Variants in SHLD2 observed in about 807,000 individuals in gnomAD.
SHLD2 encodes RINN1-REV7-interacting novel NHEJ regulator 2.
A neutral mutation model predicts 73.2 loss-of-function variants in SHLD2; 30 were observed. The observed-to-expected ratio is 0.41, with a 90% confidence interval of 0.31 to 0.56. The LOEUF is 0.56. Ranked by LOEUF, SHLD2 falls within the 20% of genes least tolerant of loss-of-function variation. The pLI is 0.28. For synonymous variants in SHLD2, 285 were observed against 370.1 expected (o/e 0.77, Z 2.64); for missense variants, 745 against 1,055.9 (o/e 0.71, Z 4.08).
intron 4 of SHLD2, among the ~76,000 whole-genome samples, chr10:87,158,589 G>C (rs1199315751): frequency 1.3e-5 from 2 of 151,968 alleles, no homozygotes; most frequent in African/African-American, 2.4e-5. Flanking sequence ...AAAATGTATT[G>C]GTCTCGTATT....
At chr10:87,190,234 T>A (rs1848966790) in intron 9 of SHLD2, among the ~76,000 whole-genome samples, 1 of 152,174 alleles carries the variant, frequency 6.6e-6, no homozygotes, top group Non-Finnish European at 1.5e-5. Context: ...AATTTTTGTA[T>A]TTTTAGTAGA....
intron 2 of SHLD2, among the ~76,000 whole-genome samples, chr10:87,110,289 C>T (rs1048753496): frequency 6.8e-6 from 1 of 147,182 alleles, no homozygotes; most frequent in Non-Finnish European, 1.5e-5. Context: ...GACCCTGTCT[C>T]TCAAAATAAG....
At chr10:87,187,831 T>C (rs1426950537) in intron 9 of SHLD2, among the ~76,000 whole-genome samples, 1 of 152,184 alleles carries the variant, frequency 6.6e-6, no homozygotes. Flanking sequence ...GAAACAGGCA[T>C]GCCTCTCGGT....
chr10:87,163,710 A>G (rs1846983366), intron 4 of SHLD2, among the ~76,000 whole-genome samples: 1 of 150,834 alleles, frequency 6.6e-6, no homozygotes, highest in Non-Finnish European at 1.5e-5. Context: ...TGTTGGAGAA[A>G]GAAATTATAA....
chr10:87,179,977 C>T, intron 7 of SHLD2, 98 bp from the exon 8 acceptor site: 1 of 781,618 alleles, frequency 1.3e-6, no homozygotes, highest in South Asian at 1.5e-5. Context: ...CCTTTTACTA[C>T]AAGTGACTGT....
intron 2 of SHLD2, among the ~76,000 whole-genome samples, chr10:87,123,920 T>G (rs1843801077): frequency 6.6e-6 from 1 of 152,220 alleles, no homozygotes. Flanking sequence ...ATTACACAGT[T>G]TACTAATACA....
At chr10:87,131,101 T>G (rs1468354901) in intron 2 of SHLD2, among the ~76,000 whole-genome samples, 1 of 152,054 alleles carries the variant, frequency 6.6e-6, no homozygotes, top group Non-Finnish European at 1.5e-5. Flanking sequence ...AAAACCTTAT[T>G]AGTATTTTAG....
intron 8 of SHLD2, among the ~76,000 whole-genome samples, chr10:87,185,804 G>A (rs1047112828): frequency 7.2e-5 from 11 of 152,134 alleles, no homozygotes; most frequent in Middle Eastern, 3.2e-3. Flanking sequence ...TTGTCCCAGC[G>A]TGAATTTTTG....
chr10:87,181,118 C>T (rs9421604), intron 8 of SHLD2, among the ~76,000 whole-genome samples: 5 of 150,844 alleles, frequency 3.3e-5, no homozygotes, highest in African/African-American at 9.8e-5. Context: ...TGGTGGCTCA[C>T]GCATGTAATC....
At chr10:87,118,180 C>T (rs567645510) in intron 2 of SHLD2, among the ~76,000 whole-genome samples, 6 of 152,304 alleles carry the variant, frequency 3.9e-5, no homozygotes, top group Non-Finnish European at 8.8e-5. Context: ...AAGACTTGCT[C>T]CATAGGGTTC....
intron 2 of SHLD2, among the ~76,000 whole-genome samples, chr10:87,128,473 C>G (rs1844198138): frequency 6.6e-6 from 1 of 152,222 alleles, no homozygotes; most frequent in Non-Finnish European, 1.5e-5. Flanking sequence ...CAGCAATTAT[C>G]CTTGGAATTC....
intron 2 of SHLD2, among the ~76,000 whole-genome samples, chr10:87,117,031 A>G (rs915073907): frequency 2.0e-5 from 3 of 152,220 alleles, no homozygotes; most frequent in African/African-American, 7.2e-5. Context: ...GTTGCTGGTT[A>G]TGACAGAGTA....
At chr10:87,102,668 C>A (rs544771414) in intron 2 of SHLD2, among the ~76,000 whole-genome samples, 2 of 152,168 alleles carry the variant, frequency 1.3e-5, no homozygotes, top group South Asian at 4.2e-4. Context: ...GAGATCGTGC[C>A]ACTGAACTCC....
chr10:87,179,800 G>T (rs1217486730), intron 7 of SHLD2, among the ~76,000 whole-genome samples: 1 of 152,198 alleles, frequency 6.6e-6, no homozygotes, highest in African/African-American at 2.4e-5. Flanking sequence ...TCTTCTAAAG[G>T]AGGTATTGAA....
chr10:87,106,627 T>C (rs993813850), intron 2 of SHLD2, among the ~76,000 whole-genome samples: 1 of 152,192 alleles, frequency 6.6e-6, no homozygotes, highest in Non-Finnish European at 1.5e-5. Context: ...GTTTACTCTC[T>C]TACTAGACAG....
chr10:87,109,625 G>C (rs894035108), intron 2 of SHLD2, among the ~76,000 whole-genome samples: 27 of 152,096 alleles, frequency 1.8e-4, no homozygotes, highest in African/African-American at 6.5e-4. Context: ...GCTCCAGATA[G>C]GACAGGAGGC....
chr10:87,157,567 A>C (rs998314530), intron 3 of SHLD2, among the ~76,000 whole-genome samples: 6 of 152,218 alleles, frequency 3.9e-5, no homozygotes, highest in Non-Finnish European at 2.9e-5. Flanking sequence ...CTTATGTGGA[A>C]GATAATTATA....
At chr10:87,119,484 G>A (rs919102141) in intron 2 of SHLD2, among the ~76,000 whole-genome samples, 7 of 151,954 alleles carry the variant, frequency 4.6e-5, no homozygotes, top group African/African-American at 1.2e-4. Context: ...GTATAGGGCC[G>A]GGCGCCGGTG....
chr10:87,181,239 A>AAAT (rs1307843612), intron 8 of SHLD2, among the ~76,000 whole-genome samples: 1 of 142,970 alleles, frequency 7.0e-6, no homozygotes, highest in African/African-American at 2.6e-5. Context: ...AAAAAAAAAA[A>AAAT]GCTGGGCAGG....
Sources: gnomAD v4.1 joint callset for allele counts (sites outside exome capture counted in the v4.1 genomes callset) on GRCh38, gnomAD v4.1.1 for gene constraint, MANE v1.5 for transcripts, NCBI Gene and HGNC (gene_info 2026-07-23, HGNC 2026-07-21) for gene names.